ABTB3: variants seen among roughly 807,000 people sequenced by gnomAD.
ABTB3 encodes ankyrin repeat and BTB domain containing 3, also known as ankyrin repeat- and BTB/POZ domain-containing protein 3.
the ABTB3 span, among the ~76,000 whole-genome samples, chr12:107,414,681 T>A: frequency 6.6e-6 from 1 of 151,868 alleles, no homozygotes; most frequent in Non-Finnish European, 1.5e-5. Flanking sequence ...TCCAGCATCA[T>A]CTTTTTTTCA....
At chr12:107,453,711 T>TG in the ABTB3 span, among the ~76,000 whole-genome samples, 2,810 of 151,960 alleles carry the variant, frequency 0.018, 40 homozygotes, top group Non-Finnish European at 0.023. Flanking sequence ...AACCAGAAAA[T>TG]GGGATAGGGC....
the ABTB3 span, among the ~76,000 whole-genome samples, chr12:107,575,939 A>C: frequency 2.6e-5 from 4 of 152,138 alleles, no homozygotes; most frequent in Admixed American, 6.5e-5. Flanking sequence ...TTTCCCAATG[A>C]GAGAACTGAG....
chr12:107,414,916 G>A, the ABTB3 span, among the ~76,000 whole-genome samples: 1 of 152,096 alleles, frequency 6.6e-6, no homozygotes, highest in South Asian at 2.1e-4. Flanking sequence ...ATTTCACCAT[G>A]TTGGCCAGGC....
chr12:107,637,833 TG>T, the ABTB3 span, among the ~76,000 whole-genome samples: 3 of 143,864 alleles, frequency 2.1e-5, no homozygotes, highest in African/African-American at 8.1e-5. Flanking sequence ...TGTGTGTGTG[TG>T]GTATGGTGTC....
the ABTB3 span, among the ~76,000 whole-genome samples, chr12:107,439,260 A>G: frequency 6.6e-6 from 1 of 152,038 alleles, no homozygotes; most frequent in African/African-American, 2.4e-5. Context: ...AAGGTTGGCC[A>G]TTCGGTTTGA....
the ABTB3 span, among the ~76,000 whole-genome samples, chr12:107,432,195 T>G: frequency 1.3e-5 from 2 of 152,176 alleles, no homozygotes; most frequent in African/African-American, 4.8e-5. Context: ...TCCACCCACT[T>G]CTTCCTTCCT....
chr12:107,372,267 G>C, the ABTB3 span, among the ~76,000 whole-genome samples: 6 of 152,258 alleles, frequency 3.9e-5, no homozygotes, highest in East Asian at 9.7e-4. Flanking sequence ...GTTAGGTCTT[G>C]CAACTCCTTC....
At chr12:107,657,980 C>T in the ABTB3 span, 1 of 509,542 alleles carries the variant, frequency 2.0e-6, no homozygotes, top group Non-Finnish European at 3.5e-6. Flanking sequence ...ATTGAACACC[C>T]ACTGCCGGGG....
chr12:107,565,724 G>A, the ABTB3 span, among the ~76,000 whole-genome samples: 1 of 152,248 alleles, frequency 6.6e-6, no homozygotes, highest in South Asian at 2.1e-4. Context: ...CCTACAGCCG[G>A]CCCCAGAAAT....
the ABTB3 span, among the ~76,000 whole-genome samples, chr12:107,474,218 C>A: frequency 6.6e-6 from 1 of 152,192 alleles, no homozygotes; most frequent in Non-Finnish European, 1.5e-5. Flanking sequence ...TACTTGACAT[C>A]CAGCATGGGG....
At chr12:107,438,851 G>A in the ABTB3 span, among the ~76,000 whole-genome samples, 11 of 152,282 alleles carry the variant, frequency 7.2e-5, no homozygotes, top group Admixed American at 5.2e-4. Flanking sequence ...CTCTTGGGGG[G>A]AAGTTGCTCC....
chr12:107,318,551 T>G, the ABTB3 span: 1 of 162,574 alleles, frequency 6.2e-6, no homozygotes, highest in Non-Finnish European at 1.3e-5. Flanking sequence ...GGCGGCGGCA[T>G]CTGGGGTGGT....
the ABTB3 span, chr12:107,618,147 A>C: frequency 7.4e-6 from 12 of 1,612,814 alleles, no homozygotes; most frequent in East Asian, 2.5e-4. Flanking sequence ...CTCTGGGTTT[A>C]TGATTGACAG....
chr12:107,592,659 T>C, the ABTB3 span, among the ~76,000 whole-genome samples: 4 of 152,256 alleles, frequency 2.6e-5, no homozygotes, highest in South Asian at 8.3e-4. Context: ...AACACTTCTA[T>C]AAAGTTCACC....
At chr12:107,640,549 A>G in the ABTB3 span, 1 of 562,510 alleles carries the variant, frequency 1.8e-6, no homozygotes, top group Non-Finnish European at 3.1e-6. Flanking sequence ...TCAAGAGTAC[A>G]GGGAAGCTGC....
At chr12:107,551,786 C>T in the ABTB3 span, among the ~76,000 whole-genome samples, 1 of 150,074 alleles carries the variant, frequency 6.7e-6, no homozygotes, top group African/African-American at 2.5e-5. Flanking sequence ...GAGTTTCACT[C>T]TTATTGCCCA....
At chr12:107,406,933 G>A in the ABTB3 span, among the ~76,000 whole-genome samples, 115 of 152,236 alleles carry the variant, frequency 7.6e-4, 2 homozygotes, top group African/African-American at 2.6e-3. Flanking sequence ...CTTGGGCTCC[G>A]GAGCCAGAGA....
chr12:107,364,973 A>G, the ABTB3 span, among the ~76,000 whole-genome samples: 2 of 152,198 alleles, frequency 1.3e-5, no homozygotes, highest in African/African-American at 4.8e-5. Context: ...TCTCTGTCAC[A>G]GTGGTTGCTC....
chr12:107,637,216 C>T, the ABTB3 span, among the ~76,000 whole-genome samples: 1 of 152,098 alleles, frequency 6.6e-6, no homozygotes, highest in Admixed American at 6.5e-5. Flanking sequence ...CATGGTGAAA[C>T]CATGTCTCTA....
Sources: allele counts gnomAD v4.1 joint callset (sites outside exome capture counted in the v4.1 genomes callset), GRCh38; gene constraint gnomAD v4.1.1; transcripts MANE v1.5; gene names NCBI Gene and HGNC (gene_info 2026-07-23, HGNC 2026-07-21).